OPCML: variants seen among roughly 807,000 people sequenced by gnomAD.
The protein encoded by OPCML is opioid-binding protein/cell adhesion molecule.
A neutral mutation model predicts 37.8 loss-of-function variants in OPCML; 13 were observed. The ratio of observed to expected loss-of-function variants is 0.34; its 90% CI spans 0.22 to 0.55. The LOEUF is 0.55. OPCML is among the 20% of genes least tolerant of loss of function. The pLI, the probability that OPCML is intolerant of heterozygous loss-of-function variation, is 0.91. For synonymous variants in OPCML, 176 were observed against 168.8 expected, an observed-to-expected ratio of 1.04 and a Z score of -0.33; for missense variants, 341 against 435.6, an observed-to-expected ratio of 0.78 and a Z score of 1.93.
chr11:132,582,832 T>A (rs1002035872), intron 3 of OPCML, among the ~76,000 whole-genome samples: 1 of 146,782 alleles, frequency 6.8e-6, no homozygotes, highest in Non-Finnish European at 1.5e-5. Flanking sequence ...TTCAGAGTTG[T>A]TTTTTTGTTT....
At chr11:132,734,527 G>C (rs1945188395) in intron 2 of OPCML, among the ~76,000 whole-genome samples, 2 of 152,162 alleles carry the variant, frequency 1.3e-5, no homozygotes, top group Admixed American at 1.3e-4. Flanking sequence ...ATTGGAAGCT[G>C]ATCCTCCAGT....
chr11:132,824,765 C>A lies in OPCML; in HGVS notation c.146+118161G>T, dbSNP rs772430847. Among the ~76,000 whole-genome samples, 5 of 152,274 alleles carry A rather than the reference C, an allele frequency of 3.3e-5. No individual in the cohort carries two copies. In the South Asian group the frequency reaches 1.0e-3, roughly 32 times the overall value. ...TGGCTGTAAACTTCAATTATAACAA[C>A]AACAAAAAAATCAACCACCTTTCTG... is the stretch of plus-strand genomic sequence containing the variant. On this transcript the variant is annotated intron_variant, in intron 2 of 7. Transcript: ENST00000524381.
Position 133,063,098 on chromosome 11 carries a change from G to A in OPCML, c.62-120088C>T, listed in dbSNP as rs150190346. Among the ~76,000 whole-genome samples, 1,421 of 152,336 alleles carry A rather than the reference G, an allele frequency of 9.3e-3. 10 individuals carry two copies. Among genetic ancestry groups the A allele is most frequent in the Non-Finnish European group, 0.013 (867 of 68,030 alleles). On this transcript the variant is annotated intron_variant, in intron 1 of 7. Transcript: ENST00000524381. The stretch of plus-strand genomic sequence containing the variant: ...TCAGCACGTGCTGTGAGTTCTACCG[G>A]TCAGTCCAGAGACCAGCCTTCGCAG...
intron 1 of OPCML, among the ~76,000 whole-genome samples, chr11:133,407,372 G>A (rs73604530): frequency 0.014 from 2,151 of 152,206 alleles, 51 homozygotes; most frequent in African/African-American, 0.048. Context: ...GGTTTTGTGC[G>A]TACATGTGAA....
intron 1 of OPCML, among the ~76,000 whole-genome samples, chr11:133,357,672 G>A (rs1402865495): frequency 6.6e-6 from 1 of 152,124 alleles, no homozygotes; most frequent in Non-Finnish European, 1.5e-5. Flanking sequence ...CCCTAAATTA[G>A]CTGCTGTGAT....
At chr11:133,368,038 A>C (rs1201706492) in intron 1 of OPCML, among the ~76,000 whole-genome samples, 1 of 152,192 alleles carries the variant, frequency 6.6e-6, no homozygotes, top group Non-Finnish European at 1.5e-5. Flanking sequence ...GATGCAAAGA[A>C]CTTAGGCAGT....
At chr11:133,222,342 T>G (rs997155221) in intron 1 of OPCML, among the ~76,000 whole-genome samples, 62 of 152,190 alleles carry the variant, frequency 4.1e-4, no homozygotes, top group African/African-American at 1.4e-3. Flanking sequence ...TGAAAGTGGC[T>G]TCTCCAAGGC....
intron 1 of OPCML, among the ~76,000 whole-genome samples, chr11:132,978,618 C>A (rs762674941): frequency 3.3e-5 from 5 of 152,102 alleles, no homozygotes; most frequent in Admixed American, 6.6e-5. Context: ...ATTCAGATGG[C>A]AAGGCTTTAT....
At chr11:132,963,620 C>T (rs921881557) in intron 1 of OPCML, among the ~76,000 whole-genome samples, 4 of 149,730 alleles carry the variant, frequency 2.7e-5, no homozygotes, top group African/African-American at 9.8e-5. Context: ...GTGGCTCTTG[C>T]GGTGAGAATG....
intron 1 of OPCML, among the ~76,000 whole-genome samples, chr11:133,363,476 T>C (rs1479646832): frequency 6.6e-6 from 1 of 152,252 alleles, no homozygotes; most frequent in Non-Finnish European, 1.5e-5. Flanking sequence ...ACACGGATTA[T>C]GGGCTGGTCT....
intron 2 of OPCML, among the ~76,000 whole-genome samples, chr11:132,890,346 A>G (rs1943591859): frequency 1.3e-5 from 2 of 152,210 alleles, no homozygotes; most frequent in Admixed American, 1.3e-4. Flanking sequence ...CAACATATGA[A>G]AAATCCATTG....
intron 3 of OPCML, among the ~76,000 whole-genome samples, chr11:132,598,049 C>T (rs1333493144): frequency 6.6e-6 from 1 of 152,108 alleles, no homozygotes; most frequent in Non-Finnish European, 1.5e-5. Context: ...GCAACCCTCG[C>T]TCCATTCATA....
intron 1 of OPCML, among the ~76,000 whole-genome samples, chr11:133,162,330 G>T (rs550511150): frequency 3.9e-5 from 6 of 152,354 alleles, no homozygotes; most frequent in African/African-American, 1.4e-4. Context: ...CTGGTGAGCA[G>T]GCAGCGGACT....
At chr11:132,502,720 A>G (rs1371094507) in intron 4 of OPCML, among the ~76,000 whole-genome samples, 3 of 152,226 alleles carry the variant, frequency 2.0e-5, no homozygotes, top group Non-Finnish European at 4.4e-5. Context: ...TTAAATGTGA[A>G]AATGGCTGGG....
chr11:133,370,123 T>C (rs773957119), intron 1 of OPCML, among the ~76,000 whole-genome samples: 1 of 152,246 alleles, frequency 6.6e-6, no homozygotes, highest in African/African-American at 2.4e-5. Context: ...TGTGGCATCA[T>C]GTCAATGCTC....
rs959708043 is a variant in OPCML, at chr11:133,178,680, C to T, written c.62-235670G>A. On this transcript the variant is annotated intron_variant, in intron 1 of 7. Coordinates refer to ENST00000524381, the MANE Select transcript of OPCML (RefSeq NM_001012393.5). ...CTGAGCATGAATCTGAGTACGCAAA[C>T]GAGCAGCCAGACATGGAGAGGCCAG... Among the ~76,000 whole-genome samples the T allele has an allele frequency of 6.6e-5, 10 of 152,156 alleles. No homozygotes were observed. In the East Asian group the frequency reaches 1.2e-3, roughly 18 times the overall value.
intron 2 of OPCML, among the ~76,000 whole-genome samples, chr11:132,768,071 A>G (rs888471649): frequency 3.9e-5 from 6 of 152,198 alleles, no homozygotes; most frequent in Admixed American, 1.3e-4. Context: ...TCAGAAGTCA[A>G]ACAAAGGTAC....
chr11:132,763,879 A>G (rs1246166166), intron 2 of OPCML, among the ~76,000 whole-genome samples: 3 of 152,230 alleles, frequency 2.0e-5, no homozygotes, highest in Admixed American at 1.3e-4. Flanking sequence ...TACCACAAAG[A>G]GAACTCATTT....
intron 1 of OPCML, among the ~76,000 whole-genome samples, chr11:133,224,822 A>G (rs539216969): frequency 2.0e-5 from 3 of 152,352 alleles, no homozygotes; most frequent in African/African-American, 7.2e-5. Flanking sequence ...TACAGTCCCA[A>G]GGAATTTGGA....
Sources: gnomAD v4.1 joint callset for allele counts (sites outside exome capture counted in the v4.1 genomes callset) on GRCh38, gnomAD v4.1.1 for gene constraint, MANE v1.5 for transcripts, NCBI Gene and HGNC (gene_info 2026-07-23, HGNC 2026-07-21) for gene names.